Variants in ZCCHC7 observed in about 807,000 individuals in gnomAD.
ZCCHC7 encodes zinc finger CCHC-type containing 7, also known as zinc finger CCHC domain-containing protein 7.
Under a neutral mutation model 52.0 loss-of-function variants are expected in ZCCHC7, and 35 were observed. The ratio of observed to expected loss-of-function variants is 0.67; its 90% CI spans 0.51 to 0.89. The LOEUF (loss-of-function observed/expected upper bound fraction) is 0.89. Among genes scored for constraint, ZCCHC7 ranks in the 40% least tolerant of loss-of-function variants. The pLI, the probability that ZCCHC7 is intolerant of heterozygous loss-of-function variation, is 0.00. For synonymous variants in ZCCHC7, 217 were observed against 221.5 expected, an observed-to-expected ratio of 0.98 and a Z score of 0.18; for missense variants, 574 against 649.1, an observed-to-expected ratio of 0.88 and a Z score of 1.26.
intron 2 of ZCCHC7, among the ~76,000 whole-genome samples, chr9:37,148,173 G>T (rs1843524860): frequency 6.6e-6 from 1 of 152,054 alleles, no homozygotes; most frequent in South Asian, 2.1e-4. Context: ...GCAAATAATA[G>T]CCAAAAATAT....
At position 37,221,477 on chromosome 9, in the gene ZCCHC7, GA is replaced by G. The variant is rs370719248; in HGVS notation, c.611-80709del. Among the ~76,000 whole-genome samples the G allele has an allele frequency of 9.0e-4, 137 of 152,228 alleles. No individual in the cohort carries two copies. The East Asian group carries it at 0.021, about 24-fold the overall frequency. ...AAATAGAGAAAATATTAATAGCAAA[GA>G]ATATTTAAGGCAAGGATAGTATGTA... On this transcript the variant is annotated intron_variant, in intron 2 of 8. Coordinates refer to ENST00000336755, the MANE Select transcript of ZCCHC7 (RefSeq NM_032226.3).
chr9:37,231,544 A>G (rs1484552553), intron 2 of ZCCHC7, among the ~76,000 whole-genome samples: 1 of 152,238 alleles, frequency 6.6e-6, no homozygotes, highest in Non-Finnish European at 1.5e-5. Context: ...CCTGAAAATT[A>G]TACATAGTAT....
At chr9:37,129,007 A>AT (rs1462998119) in intron 2 of ZCCHC7, among the ~76,000 whole-genome samples, 1 of 152,092 alleles carries the variant, frequency 6.6e-6, no homozygotes, top group Non-Finnish European at 1.5e-5. Context: ...CTCCTTAACC[A>AT]TTTTGTTGAT....
intron 2 of ZCCHC7, among the ~76,000 whole-genome samples, chr9:37,194,334 G>GT (rs1467046539): frequency 1.3e-5 from 2 of 152,116 alleles, no homozygotes; most frequent in Non-Finnish European, 2.9e-5. Flanking sequence ...CTTACATATC[G>GT]TAAGTGGTAG....
At chr9:37,209,743 G>A (rs181102090) in intron 2 of ZCCHC7, among the ~76,000 whole-genome samples, 17 of 152,286 alleles carry the variant, frequency 1.1e-4, no homozygotes, top group African/African-American at 3.9e-4. Context: ...GAAATCAGTG[G>A]GCATATAGCA....
chr9:37,120,750 C>T, intron 1 of ZCCHC7, 127 bp downstream of exon 1: 1 of 348,730 alleles, frequency 2.9e-6, no homozygotes, highest in Non-Finnish European at 5.2e-6. Context: ...CCGTCCGCCC[C>T]TCACTCGTGG....
intron 2 of ZCCHC7, among the ~76,000 whole-genome samples, chr9:37,202,238 TTGGGATAACA>T (rs1823672434): frequency 6.6e-6 from 1 of 152,198 alleles, no homozygotes. Flanking sequence ...TTGAGATAGA[TTGGGATAACA>T]TGCATGTACA....
chr9:37,216,026 T>G (rs536637694), intron 2 of ZCCHC7, among the ~76,000 whole-genome samples: 19 of 152,310 alleles, frequency 1.2e-4, no homozygotes, highest in African/African-American at 4.6e-4. Context: ...GCAATAATCC[T>G]TTTGCTACAC....
At chr9:37,185,799 C>T (rs1456977745) in intron 2 of ZCCHC7, among the ~76,000 whole-genome samples, 1 of 152,156 alleles carries the variant, frequency 6.6e-6, no homozygotes, top group Non-Finnish European at 1.5e-5. Flanking sequence ...TTAATTATAT[C>T]TAGAGGGACC....
chr9:37,312,519 G>A (rs1829642955), intron 5 of ZCCHC7, among the ~76,000 whole-genome samples: 1 of 152,236 alleles, frequency 6.6e-6, no homozygotes, highest in African/African-American at 2.4e-5. Flanking sequence ...TGCAGATGAT[G>A]CATACCTAGA....
chr9:37,140,318 A>C (rs1843167089), intron 2 of ZCCHC7, among the ~76,000 whole-genome samples: 1 of 151,964 alleles, frequency 6.6e-6, no homozygotes, highest in African/African-American at 2.4e-5. Context: ...CATATAATTG[A>C]GTATTTTGCT....
In ZCCHC7 at chr9:37,126,350, T is replaced by C. The variant is rs1255478120; in HGVS notation, c.18T>C (p.Tyr6=). MMFGG[Y]ETIEAYEDDL... is the part of the protein sequence containing the mutation. Reference sequence around the variant, plus strand: ...GACTTTTTATGATGTTTGGTGGCTATGAGACTATAGAAGCATACGAAGATG... The same window carrying C: ...GACTTTTTATGATGTTTGGTGGCTACGAGACTATAGAAGCATACGAAGATG... The change falls in exon 2 of 9, where the codon TAT becomes TAC. Residue 6 remains tyrosine, a synonymous_variant. Transcript: ENST00000336755. 3.1e-6 allele frequency: 5 copies of C among 1,612,948 alleles called. No individual in the cohort carries two copies. Among genetic ancestry groups the C allele is most frequent in the Non-Finnish European group, 4.2e-6 (5 of 1,179,354 alleles).
At chr9:37,334,429 T>A (rs1243553077) in intron 6 of ZCCHC7, among the ~76,000 whole-genome samples, 1 of 151,970 alleles carries the variant, frequency 6.6e-6, no homozygotes, top group Non-Finnish European at 1.5e-5. Flanking sequence ...AGGGTTTGGA[T>A]CGATCGTTTG....
chr9:37,328,341 A>G (rs1278417118), intron 6 of ZCCHC7, among the ~76,000 whole-genome samples: 1 of 152,060 alleles, frequency 6.6e-6, no homozygotes, highest in Non-Finnish European at 1.5e-5. Flanking sequence ...ATGTATAAAT[A>G]TCTGCTTAAT....
intron 2 of ZCCHC7, among the ~76,000 whole-genome samples, chr9:37,256,559 G>A (rs1826595511): frequency 6.6e-6 from 1 of 152,016 alleles, no homozygotes; most frequent in East Asian, 1.9e-4. Flanking sequence ...GTTTCACTTA[G>A]GAATGTTCTT....
chr9:37,136,947 G>A (rs1843022406), intron 2 of ZCCHC7, among the ~76,000 whole-genome samples: 1 of 152,056 alleles, frequency 6.6e-6, no homozygotes, highest in Admixed American at 6.5e-5. Context: ...TGAACAACAT[G>A]TCTCTAGTAT....
Position 37,304,291 on chromosome 9 carries a change from C to G in ZCCHC7, c.758C>G (p.Ser253Ter), listed in dbSNP as rs775939942. 6.2e-7 allele frequency: 1 copy of G among 1,613,172 alleles called. No individual in the cohort carries two copies. Among genetic ancestry groups the G allele is most frequent in the Non-Finnish European group, 8.5e-7 (1 of 1,179,684 alleles). ...AATTGTGACAAACGTGGTCATTTAT[C>G]AAAAAACTGCCCCTTACCACGAGTA... The part of the protein sequence containing the change: ...CRNCDKRGHL[S>*]KNCPLPRKVR... The change falls in exon 4 of 9, where the codon TCA becomes TGA. Residue 253 changes from serine to a stop codon, truncating the protein, a stop_gained. Transcript: ENST00000336755. LOFTEE classifies it high-confidence loss of function.
At chr9:37,182,483 G>A (rs928906834) in intron 2 of ZCCHC7, among the ~76,000 whole-genome samples, 7 of 151,746 alleles carry the variant, frequency 4.6e-5, no homozygotes, top group Non-Finnish European at 7.4e-5. Context: ...TCTTGCCTCA[G>A]CCTCTTGAGT....
At chr9:37,258,757 T>TAAAAAAAAAAAAAAAAAAA (rs5897683) in intron 2 of ZCCHC7, among the ~76,000 whole-genome samples, 1 of 55,366 alleles carries the variant, frequency 1.8e-5, no homozygotes, top group Admixed American at 2.5e-4. Flanking sequence ...TCCTGTCTCT[T>TAAAAAAAAAAAAAAAAAAA]AAAAAAAAAA....
Sources: gnomAD v4.1 joint callset for allele counts (sites outside exome capture counted in the v4.1 genomes callset) on GRCh38, gnomAD v4.1.1 for gene constraint, MANE v1.5 for transcripts, NCBI Gene and HGNC (gene_info 2026-07-23, HGNC 2026-07-21) for gene names.